DNM2: variants seen among roughly 807,000 people sequenced by gnomAD.
DNM2 encodes the protein dynamin-2.
Under a neutral mutation model 99.0 loss-of-function variants are expected in DNM2, and 15 were observed. That is an observed-to-expected ratio of 0.15 (90% CI 0.10 to 0.23). DNM2 has a LOEUF of 0.23. Among genes scored for constraint, DNM2 ranks in the 10% least tolerant of loss-of-function variants. The pLI is 1.00. For synonymous variants in DNM2, 525 were observed against 481.2 expected (o/e 1.09, Z -1.19); for missense variants, 742 against 1,189.4 (o/e 0.62, Z 5.53).
In DNM2 at chr19:10,819,962, T is replaced by A; in HGVS notation, c.1672-18T>A. ...TCACGTGGACCGCTCAGGGTGACTC[T>A]TTTCCCTCCACCCTCAGGAGAAAGA... On this transcript the variant is annotated intron_variant, in intron 15 of 20. Coordinates refer to ENST00000389253, the MANE Select transcript of DNM2 (RefSeq NM_001005361.3). 1.2e-6 allele frequency: 2 copies of A among 1,612,790 alleles called. No individual in the cohort carries two copies. Among genetic ancestry groups the A allele is most frequent in the Non-Finnish European group, 8.5e-7 (1 of 1,178,854 alleles).
intron 16 of DNM2, among the ~76,000 whole-genome samples, chr19:10,821,885 T>G (rs1274455025): frequency 1.3e-5 from 2 of 152,074 alleles, no homozygotes; most frequent in Admixed American, 1.3e-4. Flanking sequence ...CTCCAGCCAT[T>G]GTGATGATGT....
Position 10,796,645 on chromosome 19 carries a change from C to T in DNM2, c.1197-735C>T, listed in dbSNP as rs1227939720. ...AGCCACCGACTTCTCTGTCCCTCAG[C>T]TCCGGGAATGGCCTGAATGCCAGCG... On this transcript the variant is annotated intron_variant, in intron 9 of 20. Coordinates refer to ENST00000389253, the MANE Select transcript of DNM2 (RefSeq NM_001005361.3). The surrounding 1 kb of genome is among the most constrained non-coding windows in gnomAD (Gnocchi z 5.6). Among the ~76,000 whole-genome samples the T allele has an allele frequency of 1.3e-5, 2 of 152,184 alleles. No homozygotes were observed. Among genetic ancestry groups the T allele is most frequent in the Admixed American group, 6.5e-5 (1 of 15,292 alleles).
In DNM2 at chr19:10,812,483, T is replaced by G; in HGVS notation, c.1671+106T>G. Reference sequence around the variant, plus strand: ...ACTCAGTCACTGCGCCACTCTGCCCTGAGTCACCATTAGGACTGTAACTCG... The same window carrying G: ...ACTCAGTCACTGCGCCACTCTGCCCGGAGTCACCATTAGGACTGTAACTCG... On this transcript the variant is annotated intron_variant, in intron 15 of 20. Coordinates refer to ENST00000389253, the MANE Select transcript of DNM2 (RefSeq NM_001005361.3). This position sits in a 1 kb window ranked among gnomAD's most constrained non-coding sequence, Gnocchi z 4.0. 1.1e-6 allele frequency: 1 copy of G among 925,060 alleles called. No homozygotes were observed. The highest frequency in any genetic ancestry group is 1.4e-5 in the South Asian group (1 of 71,034). 57.3% of individuals were successfully genotyped at this position (925,060 alleles called of 1,614,324 possible).
At chr19:10,771,652 G>A (rs1217806326) in intron 2 of DNM2, among the ~76,000 whole-genome samples, 3 of 152,072 alleles carry the variant, frequency 2.0e-5, no homozygotes, top group Non-Finnish European at 2.9e-5. Flanking sequence ...CTTGGGCATC[G>A]AACTCCCTTG....
chr19:10,797,955 G>A (rs1304912929), intron 10 of DNM2, among the ~76,000 whole-genome samples: 1 of 152,158 alleles, frequency 6.6e-6, no homozygotes, highest in Admixed American at 6.5e-5. Flanking sequence ...CTGTGCATGA[G>A]GTCTGGTTAA....
intron 1 of DNM2, among the ~76,000 whole-genome samples, chr19:10,746,224 G>T (rs1248490687): frequency 6.6e-6 from 1 of 152,088 alleles, no homozygotes; most frequent in Non-Finnish European, 1.5e-5. Context: ...GCCTTCCAAA[G>T]TGCTGGCATT....
chr19:10,783,724 A>G (rs1599547568), intron 6 of DNM2, among the ~76,000 whole-genome samples: 2 of 149,720 alleles, frequency 1.3e-5, no homozygotes, highest in African/African-American at 4.9e-5. Context: ...TTTTGGAGAC[A>G]CAGTCTCACT....
At chr19:10,790,841 A>G (rs568029366) in intron 7 of DNM2, among the ~76,000 whole-genome samples, 23 of 152,086 alleles carry the variant, frequency 1.5e-4, no homozygotes, top group African/African-American at 5.1e-4. Flanking sequence ...ATCCCGGCTC[A>G]CCGCAGCCTC....
chr19:10,817,314 C>T lies in DNM2; in HGVS notation c.1672-2666C>T, dbSNP rs1433506160. ...GTGCCTCTTCTCCCACCCAGGCCCTCGAATCTTCTATGCGAGGCTCTGCCA... is the reference window on the plus strand; with the variant it reads ...GTGCCTCTTCTCCCACCCAGGCCCTTGAATCTTCTATGCGAGGCTCTGCCA... On this transcript the variant is annotated intron_variant, in intron 15 of 20. Transcript: ENST00000389253. This position sits in a 1 kb window ranked among gnomAD's most constrained non-coding sequence, Gnocchi z 4.6. The T allele has an allele frequency of 2.9e-5, 12 of 420,086 alleles. No individual in the cohort carries two copies. The highest frequency in any genetic ancestry group is 8.2e-5 in the African/African-American group (4 of 48,608). 26.0% of individuals were successfully genotyped at this position (420,086 alleles called of 1,614,324 possible).
At chr19:10,721,941 G>A (rs780600532) in intron 1 of DNM2, among the ~76,000 whole-genome samples, 1 of 152,202 alleles carries the variant, frequency 6.6e-6, no homozygotes, top group Admixed American at 6.5e-5. Context: ...GTCATGCAAA[G>A]GCTGTGGGCC....
In DNM2 at chr19:10,759,831, G is replaced by GGTTCA. The variant is rs2070557437; in HGVS notation, c.235+22_235+26dup. 6.2e-7 allele frequency: 1 copy of GGTTCA among 1,613,992 alleles called. No individual in the cohort carries two copies. Among genetic ancestry groups the GGTTCA allele is most frequent in the South Asian group, 1.1e-5 (1 of 91,092 alleles). On this transcript the variant is annotated intron_variant, in intron 2 of 20. Transcript: ENST00000389253. The stretch of plus-strand genomic sequence containing the variant: ...AAACAGGTAAAATGGGGCGGCCTGA[G>GGTTCA]GTTCAGCAGGAAGTGGATGTGGATG...
At chr19:10,766,110 C>T (rs1270947516) in intron 2 of DNM2, among the ~76,000 whole-genome samples, 7 of 152,168 alleles carry the variant, frequency 4.6e-5, no homozygotes, top group East Asian at 1.9e-4. Flanking sequence ...TGTGAAACCA[C>T]GAGGCACCCC....
chr19:10,732,939 A>G (rs1044385720), intron 1 of DNM2, among the ~76,000 whole-genome samples: 7 of 151,624 alleles, frequency 4.6e-5, no homozygotes, highest in African/African-American at 1.7e-4. Context: ...GCTGGAGTGC[A>G]ATGGCGCGAT....
intron 1 of DNM2, among the ~76,000 whole-genome samples, chr19:10,736,189 C>T (rs533951365): frequency 5.3e-5 from 8 of 150,160 alleles, no homozygotes; most frequent in East Asian, 2.0e-4. Flanking sequence ...CACTTGAACA[C>T]GGGAGGTGGA....
At chr19:10,740,425 G>C (rs1287793291) in intron 1 of DNM2, among the ~76,000 whole-genome samples, 3 of 151,650 alleles carry the variant, frequency 2.0e-5, no homozygotes, top group Non-Finnish European at 4.4e-5. Flanking sequence ...GCCCAGGCTG[G>C]AGTGCAGTGG....
chr19:10,787,648 A>G (rs1189470181), intron 7 of DNM2, among the ~76,000 whole-genome samples: 1 of 144,376 alleles, frequency 6.9e-6, no homozygotes, highest in Non-Finnish European at 1.5e-5. Flanking sequence ...CCAGCTACAC[A>G]GGAGGCTGAG....
Position 10,718,302 on chromosome 19 carries a change from C to G in DNM2, c.60C>G (p.Phe20Leu). Residue 20 changes from phenylalanine to leucine, a missense_variant, in exon 1 of 21, where the codon TTC (phenylalanine) becomes TTG (leucine). This residue lies in a region of DNM2 where 52 missense variants were observed against 46.1 expected (regional missense o/e 1.13). Coordinates refer to ENST00000389253, the MANE Select transcript of DNM2 (RefSeq NM_001005361.3). ...TGGTCAACAAACTGCAGGACGCCTT[C>G]AGCTCCATCGGCCAGAGCTGCCACC... ...IPLVNKLQDA[F>L]SSIGQSCHLD... 6.6e-7 allele frequency: 1 copy of G among 1,508,724 alleles called. No homozygotes were observed. Among genetic ancestry groups the G allele is most frequent in the Non-Finnish European group, 8.9e-7 (1 of 1,129,442 alleles). 93.5% of individuals were successfully genotyped at this position (1,508,724 alleles called of 1,614,324 possible). A position where few individuals can be genotyped will look rare whatever the true frequency, so the allele number is the denominator to read the frequency against.
chr19:10,725,827 C>T (rs1175713550), intron 1 of DNM2, among the ~76,000 whole-genome samples: 1 of 152,092 alleles, frequency 6.6e-6, no homozygotes, highest in Non-Finnish European at 1.5e-5. Flanking sequence ...AATCATGGCT[C>T]ACTGCAGCCT....
chr19:10,818,084 C>T lies in DNM2; in HGVS notation c.1672-1896C>T, dbSNP rs1486241261. Among the ~76,000 whole-genome samples, 4 of 152,116 alleles carry T rather than the reference C, an allele frequency of 2.6e-5. No individual in the cohort carries two copies. The highest frequency in any genetic ancestry group is 6.5e-5 in the Admixed American group (1 of 15,278). On this transcript the variant is annotated intron_variant, in intron 15 of 20. Transcript: ENST00000389253. The surrounding 1 kb of genome is among the most constrained non-coding windows in gnomAD (Gnocchi z 4.3). ...TTCTAAAGCCCCCAAAACTCTTCCC[C>T]GAAAGGTGGGAGGGACCCAGGCCCT...
Sources: gnomAD v4.1 joint callset for allele counts (sites outside exome capture counted in the v4.1 genomes callset) on GRCh38, gnomAD v4.1.1 for gene constraint, gnomAD v4.1.1 regional missense constraint, Gnocchi (gnomAD v3.1) non-coding constraint, MANE v1.5 for transcripts, NCBI Gene and HGNC (gene_info 2026-07-23, HGNC 2026-07-21) for gene names.